Variants in DPYSL5 observed in about 807,000 individuals in gnomAD.
The protein encoded by DPYSL5 is dihydropyrimidinase-related protein 5.
DPYSL5 carries 9 observed loss-of-function variants against 58.4 expected under a neutral mutation model. That is an observed-to-expected ratio of 0.15 (90% CI 0.09 to 0.27). DPYSL5 has a LOEUF of 0.27. DPYSL5 is among the 10% of genes least tolerant of loss of function. DPYSL5 has a pLI of 1.00. For synonymous variants in DPYSL5, 293 were observed against 301.9 expected, an observed-to-expected ratio of 0.97 and a Z score of 0.31; for missense variants, 499 against 770.6, an observed-to-expected ratio of 0.65 and a Z score of 4.17.
intron 1 of DPYSL5, among the ~76,000 whole-genome samples, chr2:26,873,567 C>T (rs865934946): frequency 1.3e-5 from 2 of 152,156 alleles, no homozygotes; most frequent in African/African-American, 4.8e-5. Context: ...TGGCCAAAAA[C>T]TTCAATAGTG....
rs1022369230 is a variant in DPYSL5, at chr2:26,905,229, T to A, written c.261+6469T>A. On this transcript the variant is annotated intron_variant, in intron 2 of 12. Coordinates refer to ENST00000288699, the MANE Select transcript of DPYSL5 (RefSeq NM_020134.4). The surrounding 1 kb of genome is among the most constrained non-coding windows in gnomAD (Gnocchi z 4.0). ...TGCTGCTCCTCCCTGCAGGAATAAC[T>A]GATGTCAGCGCCTTAGAGCTAAACA... 5.9e-5 allele frequency among the ~76,000 whole-genome samples: 9 copies of A among 152,204 alleles called. No individual in the cohort carries two copies. Among genetic ancestry groups the A allele is most frequent in the South Asian group, 2.1e-4 (1 of 4,830 alleles).
chr2:26,906,651 A>G (rs1332213006), intron 2 of DPYSL5, among the ~76,000 whole-genome samples: 1 of 152,242 alleles, frequency 6.6e-6, no homozygotes, highest in Non-Finnish European at 1.5e-5. Context: ...GAGTCATCTT[A>G]GAATTCTGCC....
At chr2:26,906,171 G>GA (rs532591877) in intron 2 of DPYSL5, among the ~76,000 whole-genome samples, 1 of 146,050 alleles carries the variant, frequency 6.8e-6, no homozygotes, top group Non-Finnish European at 1.5e-5. Flanking sequence ...CTTTCACCAA[G>GA]AAAAAAACCC....
intron 8 of DPYSL5, among the ~76,000 whole-genome samples, chr2:26,935,842 G>A (rs1288278597): frequency 1.3e-5 from 2 of 152,158 alleles, no homozygotes; most frequent in Non-Finnish European, 2.9e-5. Context: ...CAAAAGGCGA[G>A]GGGATTCTTC....
At chr2:26,864,252 A>T (rs1222665801) in intron 1 of DPYSL5, among the ~76,000 whole-genome samples, 1 of 152,234 alleles carries the variant, frequency 6.6e-6, no homozygotes, top group Admixed American at 6.5e-5. Context: ...CTCATAAAAG[A>T]AAAGAAATTA....
At position 26,924,107 on chromosome 2, in the gene DPYSL5, G is replaced by A. The variant is rs1257849881; in HGVS notation, c.262-780G>A. Reference sequence around the variant, plus strand: ...GTTGAGTGGGGGAATCTCTAATACAGATTTAGTCATTTTTCCTGGGGGTTC... The same window carrying A: ...GTTGAGTGGGGGAATCTCTAATACAAATTTAGTCATTTTTCCTGGGGGTTC... On this transcript the variant is annotated intron_variant, in intron 2 of 12. Transcript: ENST00000288699. This position sits in a 1 kb window ranked among gnomAD's most constrained non-coding sequence, Gnocchi z 4.7. 6.6e-6 allele frequency among the ~76,000 whole-genome samples: 1 copy of A among 152,214 alleles called. No homozygotes were observed. The highest frequency in any genetic ancestry group is 2.4e-5 in the African/African-American group (1 of 41,446).
intron 1 of DPYSL5, among the ~76,000 whole-genome samples, chr2:26,876,409 G>T (rs949324339): frequency 1.3e-5 from 2 of 152,228 alleles, no homozygotes; most frequent in Non-Finnish European, 2.9e-5. Flanking sequence ...TGGAGATAGA[G>T]CATGATAAGC....
At chr2:26,873,375 C>G (rs988315931) in intron 1 of DPYSL5, among the ~76,000 whole-genome samples, 3 of 152,288 alleles carry the variant, frequency 2.0e-5, no homozygotes, top group East Asian at 1.9e-4. Flanking sequence ...CCCTCACCCC[C>G]CTGGCAATCA....
At chr2:26,904,928 T>G (rs2148142059) in intron 2 of DPYSL5, among the ~76,000 whole-genome samples, 1 of 152,178 alleles carries the variant, frequency 6.6e-6, no homozygotes, top group South Asian at 2.1e-4. Flanking sequence ...AACAGGAGTT[T>G]GAGGTTGCAT....
chr2:26,878,193 A>T (rs1010704776), intron 1 of DPYSL5, among the ~76,000 whole-genome samples: 1 of 152,246 alleles, frequency 6.6e-6, no homozygotes, highest in Admixed American at 6.5e-5. Context: ...TGCTATTATG[A>T]ATAGTGAAAA....
At chr2:26,867,751 G>A (rs1225993620) in intron 1 of DPYSL5, among the ~76,000 whole-genome samples, 1 of 152,136 alleles carries the variant, frequency 6.6e-6, no homozygotes, top group Non-Finnish European at 1.5e-5. Flanking sequence ...CACCGCGCCC[G>A]GCCCCCAATT....
Position 26,927,049 on chromosome 2 carries a change from C to A in DPYSL5, c.421-204C>A, listed in dbSNP as rs77743127. ...TAAACTGTGTCGTGTTGACAATTTT[C>A]ACAGTACTTCCGCATCCATCTACTC... On this transcript the variant is annotated intron_variant, in intron 3 of 12. Coordinates refer to ENST00000288699, the MANE Select transcript of DPYSL5 (RefSeq NM_020134.4). The surrounding 1 kb of genome is among the most constrained non-coding windows in gnomAD (Gnocchi z 4.3). Among the ~76,000 whole-genome samples the A allele has an allele frequency of 2.6e-5, 4 of 152,340 alleles. No homozygotes were observed. The East Asian group carries it at 7.7e-4, about 29-fold the overall frequency.
intron 2 of DPYSL5, among the ~76,000 whole-genome samples, chr2:26,918,417 A>G (rs1242340582): frequency 2.0e-5 from 3 of 151,998 alleles, no homozygotes; most frequent in Non-Finnish European, 2.9e-5. Flanking sequence ...AGCCAACAGA[A>G]CGCTGAAGGT....
At chr2:26,932,189 A>AAGAAAGAAAGAAAGAAAGAAAGAC in intron 6 of DPYSL5, among the ~76,000 whole-genome samples, 1 of 72,064 alleles carries the variant, frequency 1.4e-5, no homozygotes, top group African/African-American at 5.0e-5. Flanking sequence ...GAAAGAAAGA[A>AAGAAAGAAAGAAAGAAAGAAAGAC]AGAAAGAAAG....
intron 1 of DPYSL5, among the ~76,000 whole-genome samples, chr2:26,886,033 G>A (rs995348692): frequency 1.3e-5 from 2 of 152,178 alleles, no homozygotes; most frequent in Admixed American, 6.5e-5. Flanking sequence ...TGCTGCCTGT[G>A]GAACCCAGTA....
intron 1 of DPYSL5, among the ~76,000 whole-genome samples, chr2:26,872,429 C>T (rs1244077208): frequency 2.6e-5 from 4 of 152,194 alleles, no homozygotes; most frequent in South Asian, 2.1e-4. Flanking sequence ...CGGTGGCTCA[C>T]GCCTCTAATC....
chr2:26,911,006 T>A (rs1664425151), intron 2 of DPYSL5, among the ~76,000 whole-genome samples: 1 of 152,056 alleles, frequency 6.6e-6, no homozygotes, highest in Admixed American at 6.5e-5. Context: ...AGTTTGTAAT[T>A]TTAGCTTTTA....
At chr2:26,897,811 G>A (rs1664056017) in intron 1 of DPYSL5, among the ~76,000 whole-genome samples, 1 of 152,182 alleles carries the variant, frequency 6.6e-6, no homozygotes. Context: ...AAATAAATCT[G>A]CATCTCTGGG....
chr2:26,903,813 G>T (rs2148140963), intron 2 of DPYSL5, among the ~76,000 whole-genome samples: 1 of 152,310 alleles, frequency 6.6e-6, no homozygotes, highest in East Asian at 1.9e-4. Flanking sequence ...TTCTGTGCTT[G>T]TTAAGTTCCC....
Sources: gnomAD v4.1 joint callset for allele counts (sites outside exome capture counted in the v4.1 genomes callset) on GRCh38, gnomAD v4.1.1 for gene constraint, Gnocchi (gnomAD v3.1) non-coding constraint, MANE v1.5 for transcripts, NCBI Gene and HGNC (gene_info 2026-07-23, HGNC 2026-07-21) for gene names.